The following PRELID2 variants were observed in gnomAD, a reference collection of about 807,000 sequenced individuals.
PRELID2 encodes the protein PRELI domain-containing protein 2.
Under a neutral mutation model 28.4 loss-of-function variants are expected in PRELID2, and 25 were observed. The observed-to-expected ratio is 0.88, with a 90% CI of 0.64 to 1.23. The LOEUF is 1.23. PRELID2 is among the 50% of genes most tolerant of loss of function. The probability of loss-of-function intolerance (pLI) is 0.00; values close to 1 mark genes in which losing one functional copy is unlikely to be tolerated. For missense variants in PRELID2, 201 were observed against 214.4 expected (o/e 0.94, Z 0.39); for synonymous variants, 76 against 71.6 (o/e 1.06, Z -0.31).
At chr5:145,347,038 C>G in the PRELID2 span, among the ~76,000 whole-genome samples, 3 of 152,210 alleles carry the variant, frequency 2.0e-5, no homozygotes, top group East Asian at 5.8e-4. Flanking sequence ...ATGTGTGTAT[C>G]GGAAGGGGAA....
intron 1 of PRELID2, chr5:145,729,119 G>A (rs1465118606): frequency 2.6e-5 from 15 of 584,628 alleles, no homozygotes; most frequent in African/African-American, 9.4e-5. Context: ...CCTGGTTTCC[G>A]AGTACTCAGC....
chr5:145,415,198 T>C, the PRELID2 span, among the ~76,000 whole-genome samples: 4 of 152,180 alleles, frequency 2.6e-5, no homozygotes, highest in African/African-American at 9.7e-5. Context: ...CACAACTAAA[T>C]GGAAATCGAA....
chr5:145,466,175 A>G, the PRELID2 span, among the ~76,000 whole-genome samples: 1 of 152,178 alleles, frequency 6.6e-6, no homozygotes, highest in Non-Finnish European at 1.5e-5. Context: ...AAAATGAATG[A>G]GAAAAACAGA....
At chr5:145,488,325 C>A (rs1446810656) in intron 1 of PRELID2, among the ~76,000 whole-genome samples, 1 of 152,068 alleles carries the variant, frequency 6.6e-6, no homozygotes, top group African/African-American at 2.4e-5. Flanking sequence ...AAAGGGAAAG[C>A]CTGATGGAGA....
the PRELID2 span, among the ~76,000 whole-genome samples, chr5:145,238,792 T>C: frequency 6.6e-6 from 1 of 152,080 alleles, no homozygotes; most frequent in Admixed American, 6.6e-5. Context: ...TAAAATTACT[T>C]AGGACACTTC....
In PRELID2 at chr5:145,712,628, A is replaced by T. The variant is rs149260405; in HGVS notation, n.70+52303T>A. ...TGTTCTTTTATATATAATATCCAGC[A>T]TACAATTTTAAAAAATACAAGGCAT... On this transcript the variant is annotated intron_variant and non_coding_transcript_variant, in intron 1 of 2. Coordinates refer to the PRELID2 transcript ENST00000510259. Among the ~76,000 whole-genome samples, 96 of 152,352 alleles carry T rather than the reference A, an allele frequency of 6.3e-4. No individual in the cohort carries two copies. In the East Asian group the frequency reaches 0.017, roughly 26 times the overall value.
intron 1 of PRELID2, among the ~76,000 whole-genome samples, chr5:145,582,622 T>A (rs950352001): frequency 6.6e-6 from 1 of 151,956 alleles, no homozygotes; most frequent in Admixed American, 6.6e-5. Flanking sequence ...ATATCACCAC[T>A]GATCCCACAG....
chr5:145,352,148 T>A, the PRELID2 span, among the ~76,000 whole-genome samples: 2 of 152,148 alleles, frequency 1.3e-5, no homozygotes, highest in African/African-American at 2.4e-5. Context: ...CTCTAGGCAA[T>A]ACCACAGTGG....
chr5:145,721,363 C>G (rs1429441730), intron 1 of PRELID2, among the ~76,000 whole-genome samples: 1 of 152,014 alleles, frequency 6.6e-6, no homozygotes, highest in Non-Finnish European at 1.5e-5. Flanking sequence ...GGGGAGGAGT[C>G]AAGGGTATGT....
the PRELID2 span, among the ~76,000 whole-genome samples, chr5:145,249,918 CCTCT>C: frequency 8.6e-5 from 12 of 139,814 alleles, no homozygotes; most frequent in Admixed American, 2.8e-4. Context: ...CATGCCTCTC[CCTCT>C]CTCTCTCTCT....
chr5:145,388,387 T>C, the PRELID2 span, among the ~76,000 whole-genome samples: 1 of 152,190 alleles, frequency 6.6e-6, no homozygotes, highest in African/African-American at 2.4e-5. Flanking sequence ...CTAACACAAC[T>C]AACAAGTATC....
At chr5:145,673,310 TGA>T (rs1176226316) in intron 1 of PRELID2, among the ~76,000 whole-genome samples, 1 of 152,104 alleles carries the variant, frequency 6.6e-6, no homozygotes, top group Non-Finnish European at 1.5e-5. Flanking sequence ...TTAGATGTTC[TGA>T]GAGAGAGGAG....
the PRELID2 span, among the ~76,000 whole-genome samples, chr5:145,282,639 C>T: frequency 4.2e-4 from 64 of 152,096 alleles, no homozygotes; most frequent in African/African-American, 1.5e-3. Context: ...CCCATCTCAG[C>T]CTCCTGAGTA....
the PRELID2 span, among the ~76,000 whole-genome samples, chr5:145,254,391 G>T: frequency 1.3e-5 from 2 of 152,092 alleles, no homozygotes; most frequent in South Asian, 4.1e-4. Context: ...TGCCAGTGAT[G>T]ATTATTTTGC....
At chr5:145,344,847 C>T in the PRELID2 span, among the ~76,000 whole-genome samples, 1 of 151,826 alleles carries the variant, frequency 6.6e-6, no homozygotes, top group African/African-American at 2.4e-5. Flanking sequence ...TAGTGAATTG[C>T]CTGTTTGTCC....
the PRELID2 span, among the ~76,000 whole-genome samples, chr5:145,440,015 C>G: frequency 6.6e-6 from 1 of 152,068 alleles, no homozygotes; most frequent in South Asian, 2.1e-4. Flanking sequence ...CCAGGGAAAC[C>G]TCTATCCCAG....
chr5:145,314,325 T>C, the PRELID2 span, among the ~76,000 whole-genome samples: 1 of 152,224 alleles, frequency 6.6e-6, no homozygotes, highest in Non-Finnish European at 1.5e-5. Flanking sequence ...ATAAGTAACA[T>C]TGTTAAACAT....
At chr5:145,354,243 G>T in the PRELID2 span, among the ~76,000 whole-genome samples, 2 of 151,672 alleles carry the variant, frequency 1.3e-5, no homozygotes, top group African/African-American at 4.9e-5. Context: ...GCAGAAACAG[G>T]CCTCTTAACC....
intron 1 of PRELID2, among the ~76,000 whole-genome samples, chr5:145,698,104 G>A (rs183578769): frequency 2.0e-5 from 3 of 152,084 alleles, no homozygotes; most frequent in East Asian, 1.9e-4. Flanking sequence ...CTCTTTGCAA[G>A]CTCCAAAATA....
Sources: allele counts gnomAD v4.1 joint callset (sites outside exome capture counted in the v4.1 genomes callset), GRCh38; gene constraint gnomAD v4.1.1; transcripts MANE v1.5; gene names NCBI Gene and HGNC (gene_info 2026-07-23, HGNC 2026-07-21).